SMCHD1: variants seen among roughly 807,000 people sequenced by gnomAD.
SMCHD1 encodes structural maintenance of chromosomes flexible hinge domain containing 1.
In SMCHD1, 78 loss-of-function variants were observed where a neutral mutation model predicts 254.7. That is an observed-to-expected ratio of 0.31 (90% confidence interval 0.26 to 0.37). The LOEUF is 0.37. Among genes scored for constraint, SMCHD1 ranks in the 10% least tolerant of loss-of-function variants. The pLI, the probability that SMCHD1 is intolerant of heterozygous loss-of-function variation, is 1.00. For synonymous variants in SMCHD1, 766 were observed against 794.9 expected (o/e 0.96, Z 0.61); for missense variants, 1,840 against 2,408.1 (o/e 0.76, Z 4.94).
At chr18:2,778,417 A>G (rs953479365) in intron 44 of SMCHD1, among the ~76,000 whole-genome samples, 178 bp downstream of exon 44, 1 of 152,214 alleles carries the variant, frequency 6.6e-6, no homozygotes, top group Non-Finnish European at 1.5e-5. Context: ...GCAAATTTAA[A>G]TAGATGTTTT....
At chr18:2,670,918 A>C (rs2073578784) in intron 3 of SMCHD1, among the ~76,000 whole-genome samples, 1 of 150,440 alleles carries the variant, frequency 6.6e-6, no homozygotes, top group Non-Finnish European at 1.5e-5. Context: ...AAAAAAAAGA[A>C]AATTGAGTGA....
rs368569998 is a variant in SMCHD1, at chr18:2,688,436, T to C, written c.681T>C (p.Ser227=). The C allele has an allele frequency of 6.3e-5, 102 of 1,613,914 alleles. 1 individual carries two copies. The Middle Eastern group carries it at 9.9e-4, about 16-fold the overall frequency. ...GYVRPVPVPR[S]LNSDISYFGV... ...TTCGTCCAGTACCAGTGCCACGCAG[T>C]TTAAATAGTGATATTTCCTATTTTG... Residue 227 remains serine, a synonymous_variant, in exon 6 of 48, where the codon AGT becomes AGC. Coordinates refer to ENST00000320876, the MANE Select transcript of SMCHD1 (RefSeq NM_015295.3).
At chr18:2,716,244 A>G (rs2074797469) in intron 17 of SMCHD1, among the ~76,000 whole-genome samples, 1 of 152,200 alleles carries the variant, frequency 6.6e-6, no homozygotes, top group Admixed American at 6.5e-5. Flanking sequence ...GAGCAGTCTC[A>G]GGGCCTCCTG....
intron 19 of SMCHD1, among the ~76,000 whole-genome samples, chr18:2,720,728 TTTTCCTATTTTCAATAAACAC>T (rs1483941751): frequency 2.4e-4 from 37 of 152,190 alleles, no homozygotes; most frequent in Non-Finnish European, 5.3e-4. Flanking sequence ...TTCCACGTGA[TTTTCCTATTTTCAATAAACAC>T]TTTCCTATTT....
intron 13 of SMCHD1, among the ~76,000 whole-genome samples, chr18:2,704,364 G>A (rs756390435): frequency 3.9e-5 from 6 of 152,012 alleles, no homozygotes; most frequent in South Asian, 2.1e-4. Flanking sequence ...AATGTAATGC[G>A]TTAAGTAATG....
intron 21 of SMCHD1, among the ~76,000 whole-genome samples, chr18:2,725,712 C>G (rs1444262528): frequency 6.6e-6 from 1 of 151,424 alleles, no homozygotes; most frequent in African/African-American, 2.4e-5. Context: ...TTTGTATAAT[C>G]AAGTCAAAAA....
intron 41 of SMCHD1, among the ~76,000 whole-genome samples, chr18:2,775,068 ATTTTTTTTTTTTTTTTT>A (rs10601895): frequency 1.1e-4 from 8 of 73,010 alleles, no homozygotes; most frequent in East Asian, 4.7e-4. Flanking sequence ...AAAAGGAACA[ATTTTTTTTTTTTTTTTT>A]TTTTTTTTTT....
chr18:2,708,914 TTAACATGAA>T (rs2074597747), intron 17 of SMCHD1, among the ~76,000 whole-genome samples: 5 of 51,584 alleles, frequency 9.7e-5, no homozygotes, highest in African/African-American at 1.1e-4. Context: ...ATATAACATA[TTAACATGAA>T]ATTTATGAAG....
At chr18:2,721,630 CA>C (rs549000342) in intron 19 of SMCHD1, among the ~76,000 whole-genome samples, 138 of 152,264 alleles carry the variant, frequency 9.1e-4, no homozygotes, top group African/African-American at 3.2e-3. Flanking sequence ...GTGGACATCC[CA>C]AAAGGCTATG....
intron 7 of SMCHD1, among the ~76,000 whole-genome samples, chr18:2,689,522 G>A (rs1159922811): frequency 1.3e-5 from 2 of 151,556 alleles, no homozygotes; most frequent in African/African-American, 2.4e-5. Flanking sequence ...CGCCCAGCCT[G>A]AAACATGATT....
intron 1 of SMCHD1, among the ~76,000 whole-genome samples, chr18:2,658,912 A>G (rs1170738775): frequency 6.8e-6 from 1 of 148,024 alleles, no homozygotes; most frequent in Non-Finnish European, 1.5e-5. Context: ...GTATACGCAT[A>G]TATACATATA....
chr18:2,787,032 T>TA (rs1206207678), intron 45 of SMCHD1, among the ~76,000 whole-genome samples: 2 of 152,172 alleles, frequency 1.3e-5, no homozygotes, highest in African/African-American at 4.8e-5. Context: ...GCTGGGTGAT[T>TA]TATAAAGAAA....
chr18:2,744,025 A>AAC lies in SMCHD1; in HGVS notation c.3801+98_3801+99insCA. ...TCAGAATAGATATATTTTGTTGCTG[A>AAC]AGTAACAACTAACAGTTGTTAACAG... is the stretch of plus-strand genomic sequence containing the variant. On this transcript the variant is annotated intron_variant, in intron 29 of 47. Coordinates refer to ENST00000320876, the MANE Select transcript of SMCHD1 (RefSeq NM_015295.3). 9 of 1,069,102 alleles carry AAC rather than the reference A, an allele frequency of 8.4e-6. No individual in the cohort carries two copies. The South Asian group carries it at 1.8e-4, about 22-fold the overall frequency. The allele number at this position is 1,069,102 out of a possible 1,614,324, so 66.2% of individuals were successfully genotyped here.
At chr18:2,738,244 A>G (rs1257604719) in intron 25 of SMCHD1, among the ~76,000 whole-genome samples, 153 bp from the exon 26 acceptor site, 1 of 152,230 alleles carries the variant, frequency 6.6e-6, no homozygotes, top group African/African-American at 2.4e-5. Flanking sequence ...GTATCATATT[A>G]GTATATGAAC....
chr18:2,727,855 A>G (rs763237057), intron 22 of SMCHD1, among the ~76,000 whole-genome samples: 2 of 152,086 alleles, frequency 1.3e-5, no homozygotes, highest in Non-Finnish European at 2.9e-5. Flanking sequence ...CTCTCCATAT[A>G]CTTGTTATCA....
At chr18:2,661,753 G>A (rs1031397006) in intron 1 of SMCHD1, among the ~76,000 whole-genome samples, 31 of 152,212 alleles carry the variant, frequency 2.0e-4, no homozygotes, top group African/African-American at 6.5e-4. Flanking sequence ...ATTCCTATCC[G>A]TAGATAATTT....
intron 37 of SMCHD1, among the ~76,000 whole-genome samples, chr18:2,769,166 A>G (rs1598425439): frequency 1.3e-5 from 2 of 152,304 alleles, no homozygotes; most frequent in South Asian, 2.1e-4. Flanking sequence ...TTTTTTATCC[A>G]TTAATGAGAA....
intron 44 of SMCHD1, among the ~76,000 whole-genome samples, chr18:2,781,931 A>G (rs2076163431): frequency 6.6e-6 from 1 of 152,242 alleles, no homozygotes; most frequent in Non-Finnish European, 1.5e-5. Flanking sequence ...TAAAAGGATT[A>G]TAGGCAATAT....
intron 45 of SMCHD1, among the ~76,000 whole-genome samples, chr18:2,785,849 CAG>C (rs1009568033): frequency 6.6e-6 from 1 of 152,008 alleles, no homozygotes; most frequent in Admixed American, 6.6e-5. Context: ...TAGAATCATA[CAG>C]AGTTTGTCCT....
Sources: gnomAD v4.1 joint callset for allele counts (sites outside exome capture counted in the v4.1 genomes callset) on GRCh38, gnomAD v4.1.1 for gene constraint, MANE v1.5 for transcripts, NCBI Gene and HGNC (gene_info 2026-07-23, HGNC 2026-07-21) for gene names.